LRP6: variants seen among roughly 807,000 people sequenced by gnomAD.
LRP6 encodes low-density lipoprotein receptor-related protein 6.
LRP6 carries 43 observed loss-of-function variants against 184.1 expected under a neutral mutation model. That is an observed-to-expected ratio of 0.23 (90% CI 0.18 to 0.30). The LOEUF is 0.30. Among genes scored for constraint, LRP6 ranks in the 10% least tolerant of loss-of-function variants. The pLI, the probability that LRP6 is intolerant of heterozygous loss-of-function variation, is 1.00. For synonymous variants in LRP6, 719 were observed against 684.9 expected (o/e 1.05, Z -0.78); for missense variants, 1,571 against 2,005.3 (o/e 0.78, Z 4.14).
intron 2 of LRP6, among the ~76,000 whole-genome samples, chr12:12,229,274 G>A (rs1486354594): frequency 2.0e-5 from 3 of 151,284 alleles, no homozygotes; most frequent in Non-Finnish European, 2.9e-5. Context: ...GGAGGCTGAG[G>A]CAGGAGAATC....
Position 12,130,827 on chromosome 12 carries a change from T to C in LRP6, c.4037A>G (p.Asp1346Gly). ...CTTGTCACTGCAATCCACATTATGATCACACTTCTTGTGCTTTCCAATGCA... is the reference window on the plus strand; with the variant it reads ...CTTGTCACTGCAATCCACATTATGACCACACTTCTTGTGCTTTCCAATGCA... The part of the protein sequence containing the change: ...GQCIGKHKKC[D>G]HNVDCSDKSD... Residue 1346 changes from aspartate (D) to glycine (G), a missense_variant, in exon 19 of 23, where the codon GAT (aspartate) becomes GGT (glycine). Around this residue, in one of 4 missense-constraint regions of LRP6, gnomAD observed 763 missense variants for 859.5 expected, o/e 0.89. Transcript: ENST00000261349. 2 of 1,613,768 alleles carry C rather than the reference T, an allele frequency of 1.2e-6. No homozygotes were observed. The highest frequency in any genetic ancestry group is 1.7e-4 in the Middle Eastern group (1 of 6,060).
At chr12:12,222,612 C>T (rs1283543030) in intron 2 of LRP6, among the ~76,000 whole-genome samples, 2 of 151,242 alleles carry the variant, frequency 1.3e-5, no homozygotes, top group African/African-American at 2.4e-5. Context: ...TCCATTCTTG[C>T]GGGGGAAATA....
intron 2 of LRP6, among the ~76,000 whole-genome samples, chr12:12,216,145 CTTT>C (rs905027475): frequency 3.9e-5 from 6 of 152,110 alleles, no homozygotes; most frequent in African/African-American, 1.4e-4. Flanking sequence ...CTGCAACAGA[CTTT>C]TACTTCACTT....
chr12:12,127,956 C>T (rs1328460697), intron 19 of LRP6, among the ~76,000 whole-genome samples: 1 of 152,188 alleles, frequency 6.6e-6, no homozygotes, highest in East Asian at 1.9e-4. Context: ...ATAGACTCTT[C>T]TTAGTCCTTG....
At chr12:12,265,322 T>C (rs1275021016) in intron 1 of LRP6, among the ~76,000 whole-genome samples, 2 of 152,202 alleles carry the variant, frequency 1.3e-5, no homozygotes, top group Non-Finnish European at 2.9e-5. Context: ...GGGAAAACTT[T>C]GTAATATGCT....
At chr12:12,255,715 C>T (rs995664654) in intron 1 of LRP6, among the ~76,000 whole-genome samples, 3 of 151,746 alleles carry the variant, frequency 2.0e-5, no homozygotes, top group African/African-American at 4.8e-5. Context: ...GGATTATAGG[C>T]ACCACCATGC....
At chr12:12,149,207 G>C (rs537120350) in intron 13 of LRP6, 54 bp from the exon 14 acceptor site, 2 of 1,390,270 alleles carry the variant, frequency 1.4e-6, no homozygotes, top group Non-Finnish European at 2.0e-6. Context: ...AGATAACCCT[G>C]AGGCAATCAG....
chr12:12,243,943 G>T (rs920078574), intron 2 of LRP6, among the ~76,000 whole-genome samples: 1 of 152,124 alleles, frequency 6.6e-6, no homozygotes, highest in Non-Finnish European at 1.5e-5. Flanking sequence ...AGCTAGCCAG[G>T]TGTGGTAGCG....
At chr12:12,234,256 T>C (rs1864872312) in intron 2 of LRP6, among the ~76,000 whole-genome samples, 1 of 150,918 alleles carries the variant, frequency 6.6e-6, no homozygotes, top group East Asian at 2.0e-4. Flanking sequence ...CATTACACTT[T>C]AGCGTGGGCA....
In LRP6 at chr12:12,138,523, T is replaced by A. The variant is rs1435361618; in HGVS notation, c.3409A>T (p.Ile1137Leu). 2 of 1,613,770 alleles carry A rather than the reference T, an allele frequency of 1.2e-6. No homozygotes were observed. Reference protein sequence around the residue: ...ESSDLSGANRIVLEDSNILQP... With the variant: ...ESSDLSGANRLVLEDSNILQP... ...AAGATATTGGAGTCTTCTAATACTA[T>A]CCGGTTAGCACCTTGGAAAAGGAGA... Residue 1137 changes from isoleucine (I) to leucine (L), a missense_variant, in exon 16 of 23, where the codon ATA (isoleucine) becomes TTA (leucine). Transcript: ENST00000261349.
In LRP6 at chr12:12,126,640, C is replaced by A. The variant is rs765572446; in HGVS notation, c.4312+51G>T. ...TATTCTTTTCCACAATGGAAACTGG[C>A]AGTCTTGCAGGACCAAAGACTTGAT... On this transcript the variant is annotated intron_variant, in intron 20 of 22. Coordinates refer to ENST00000261349, the MANE Select transcript of LRP6 (RefSeq NM_002336.3). The A allele has an allele frequency of 2.8e-5, 38 of 1,361,622 alleles. 1 individual carries two copies. The South Asian group carries it at 4.0e-4, about 14-fold the overall frequency. The allele number at this position is 1,361,622 out of a possible 1,614,324, so 84.3% of individuals were successfully genotyped here.
chr12:12,264,406 C>A (rs1482034040), intron 1 of LRP6, among the ~76,000 whole-genome samples: 1 of 152,128 alleles, frequency 6.6e-6, no homozygotes, highest in Non-Finnish European at 1.5e-5. Flanking sequence ...GCTTTAAATC[C>A]AAGATTTTAG....
chr12:12,248,438 A>G (rs1026491700), intron 1 of LRP6, among the ~76,000 whole-genome samples: 1 of 148,468 alleles, frequency 6.7e-6, no homozygotes, highest in Non-Finnish European at 1.5e-5. Flanking sequence ...AATCTTTATA[A>G]CCAAATCCAG....
chr12:12,217,372 A>C (rs1864375213), intron 2 of LRP6, among the ~76,000 whole-genome samples: 1 of 152,034 alleles, frequency 6.6e-6, no homozygotes, highest in African/African-American at 2.4e-5. Context: ...GCAGGAAAAA[A>C]ACTCAGGGCT....
chr12:12,249,574 A>G (rs1052479629), intron 1 of LRP6: 3 of 429,056 alleles, frequency 7.0e-6, no homozygotes, highest in Non-Finnish European at 1.2e-5. Flanking sequence ...TAGACCTCAA[A>G]GTACTGGAAA....
intron 1 of LRP6, among the ~76,000 whole-genome samples, chr12:12,248,395 C>T (rs907484734): frequency 2.0e-5 from 3 of 151,722 alleles, no homozygotes; most frequent in Non-Finnish European, 4.4e-5. Flanking sequence ...ATCTAACTTC[C>T]TATCCATCAC....
chr12:12,245,278 G>A (rs1865157396), intron 1 of LRP6, among the ~76,000 whole-genome samples: 1 of 152,156 alleles, frequency 6.6e-6, no homozygotes, highest in Admixed American at 6.5e-5. Flanking sequence ...CATGAAAAAT[G>A]GGTGGATCTC....
At position 12,131,928 on chromosome 12, in the gene LRP6, C is replaced by T. The variant is rs1317717517; in HGVS notation, c.3863G>A (p.Cys1288Tyr). ...DHSDELNCPV[C>Y]SESQFQCASG... ...GGCACACTGGAACTGGGACTCTGAG[C>T]ATACAGGACAATTGAGTTCATCACT... Residue 1288 changes from cysteine (C) to tyrosine (Y), a missense_variant, in exon 18 of 23, where the codon TGC becomes TAC. Cys to Tyr is a radical substitution (Grantham distance 194). Coordinates refer to ENST00000261349, the MANE Select transcript of LRP6 (RefSeq NM_002336.3). The T allele has an allele frequency of 6.2e-7, 1 of 1,614,070 alleles. No homozygotes were observed. The highest frequency in any genetic ancestry group is 8.5e-7 in the Non-Finnish European group (1 of 1,180,038).
At chr12:12,152,122 C>G (rs979877496) in intron 12 of LRP6, among the ~76,000 whole-genome samples, 1 of 152,068 alleles carries the variant, frequency 6.6e-6, no homozygotes, top group African/African-American at 2.4e-5. Flanking sequence ...CGGTCTTCCC[C>G]GTGCTGTTCC....
Sources: allele counts gnomAD v4.1 joint callset (sites outside exome capture counted in the v4.1 genomes callset), GRCh38; gene constraint gnomAD v4.1.1; regional missense constraint gnomAD v4.1.1; transcripts MANE v1.5; gene names NCBI Gene and HGNC (gene_info 2026-07-23, HGNC 2026-07-21).